The following CAMTA1 variants were observed in gnomAD, a reference collection of about 807,000 sequenced individuals.
CAMTA1 encodes the protein calmodulin-binding transcription activator 1.
CAMTA1 carries 27 observed loss-of-function variants against 170.9 expected under a neutral mutation model. That is an observed-to-expected ratio of 0.16 (90% confidence interval 0.12 to 0.22). The LOEUF is 0.22. Ranked by LOEUF, CAMTA1 falls within the 10% of genes least tolerant of loss-of-function variation. The pLI is 1.00. For synonymous variants in CAMTA1, 833 were observed against 891.5 expected (o/e 0.93, Z 1.17); for missense variants, 1,619 against 2,217.2 (o/e 0.73, Z 5.42).
intron 3 of CAMTA1, among the ~76,000 whole-genome samples, chr1:6,997,168 G>T (rs77841660): frequency 2.0e-5 from 3 of 152,092 alleles, no homozygotes; most frequent in Non-Finnish European, 2.9e-5. Flanking sequence ...TGTTCTACAC[G>T]TACTCAAAAA....
intron 4 of CAMTA1, among the ~76,000 whole-genome samples, chr1:7,230,031 G>A (rs1262389461): frequency 6.6e-6 from 1 of 152,200 alleles, no homozygotes; most frequent in South Asian, 2.1e-4. Context: ...ACCCCAAGGA[G>A]CTCTGAGCAG....
At chr1:7,408,244 C>A (rs955390485) in intron 5 of CAMTA1, among the ~76,000 whole-genome samples, 1 of 152,208 alleles carries the variant, frequency 6.6e-6, no homozygotes, top group African/African-American at 2.4e-5. Context: ...GACAGAGACT[C>A]CTGAGAATAG....
chr1:7,492,447 C>T (rs1205856502), intron 6 of CAMTA1, among the ~76,000 whole-genome samples: 2 of 152,150 alleles, frequency 1.3e-5, no homozygotes, highest in Admixed American at 1.3e-4. Flanking sequence ...TGCCACCAGC[C>T]CCCGGGCTGC....
chr1:6,910,038 C>T (rs1367045298), intron 3 of CAMTA1, among the ~76,000 whole-genome samples: 1 of 152,220 alleles, frequency 6.6e-6, no homozygotes, highest in African/African-American at 2.4e-5. Context: ...CACAATGTGC[C>T]ATTGTGGAAT....
chr1:6,832,934 C>T (rs1013009043), intron 3 of CAMTA1, among the ~76,000 whole-genome samples: 2 of 152,084 alleles, frequency 1.3e-5, no homozygotes, highest in Non-Finnish European at 1.5e-5. Context: ...GTTTGCTTTG[C>T]TAGTGTGAAG....
chr1:7,663,835 G>T lies in CAMTA1; in HGVS notation c.1288G>T (p.Gly430Cys). 2 of 1,614,080 alleles carry T rather than the reference G, an allele frequency of 1.2e-6. No individual in the cohort carries two copies. The highest frequency in any genetic ancestry group is 2.2e-5 in the South Asian group (2 of 91,080). The change falls in exon 9 of 23, where the codon GGC (glycine) becomes TGC (cysteine). Residue 430 changes from glycine (G) to cysteine (C), a missense_variant. Gly to Cys is a radical substitution (Grantham distance 159). This residue lies in a region of CAMTA1 where 731 missense variants were observed against 907.6 expected (regional missense o/e 0.81). Transcript: ENST00000303635. Reference sequence around the variant, plus strand: ...CCTCCTCTCACCTGACGCCTCTCAGGGCCTCGTCCTGGCCGTGAGCTCTGA... The same window carrying T: ...CCTCCTCTCACCTGACGCCTCTCAGTGCCTCGTCCTGGCCGTGAGCTCTGA... ...HHLLSPDASQ[G>C]LVLAVSSDGH...
At chr1:7,026,384 G>A (rs1392719613) in intron 3 of CAMTA1, among the ~76,000 whole-genome samples, 2 of 152,146 alleles carry the variant, frequency 1.3e-5, no homozygotes, top group Non-Finnish European at 2.9e-5. Flanking sequence ...CCTCATGTGT[G>A]ATTCAGAATG....
chr1:7,043,598 G>C (rs1023532481), intron 3 of CAMTA1, among the ~76,000 whole-genome samples: 2 of 152,186 alleles, frequency 1.3e-5, no homozygotes, highest in African/African-American at 4.8e-5. Context: ...CTCTTTCTCA[G>C]ACCCACCCTT....
At position 7,456,091 on chromosome 1, in the gene CAMTA1, A is replaced by G. The variant is rs906574488; in HGVS notation, c.439-11739A>G. ...AGCTACTTGCAGGCATTCGTCAGAG[A>G]TCCCTTGTGCTTAATGCAGGCAGAC... On this transcript the variant is annotated intron_variant, in intron 5 of 22. Coordinates refer to ENST00000303635, the MANE Select transcript of CAMTA1 (RefSeq NM_015215.4). The surrounding 1 kb of genome is among the most constrained non-coding windows in gnomAD (Gnocchi z 4.9). 1.1e-4 allele frequency among the ~76,000 whole-genome samples: 16 copies of G among 151,748 alleles called. No homozygotes were observed. Among genetic ancestry groups the G allele is most frequent in the African/African-American group, 3.6e-4 (15 of 41,294 alleles).
At chr1:7,193,984 T>G (rs771590341) in intron 4 of CAMTA1, among the ~76,000 whole-genome samples, 1 of 152,342 alleles carries the variant, frequency 6.6e-6, no homozygotes, top group Middle Eastern at 3.4e-3. Flanking sequence ...CTATCTTTCA[T>G]GCCCTTAGCA....
At chr1:6,978,488 G>A (rs1328220881) in intron 3 of CAMTA1, among the ~76,000 whole-genome samples, 3 of 152,000 alleles carry the variant, frequency 2.0e-5, no homozygotes, top group Non-Finnish European at 4.4e-5. Flanking sequence ...GCAAAAATTA[G>A]CTGGGCGTGG....
At position 7,293,926 on chromosome 1, in the gene CAMTA1, G is replaced by C. The variant is rs571560242; in HGVS notation, c.438+44300G>C. Among the ~76,000 whole-genome samples the C allele has an allele frequency of 6.6e-6, 1 of 152,152 alleles. No individual in the cohort carries two copies. The highest frequency in any genetic ancestry group is 1.5e-5 in the Non-Finnish European group (1 of 68,032). Reference sequence around the variant, plus strand: ...GCTTTTGTAATCCTTTTTCTGCTTCGTGCTAGCAGCCTCGCACTTCCCACC... The same window carrying C: ...GCTTTTGTAATCCTTTTTCTGCTTCCTGCTAGCAGCCTCGCACTTCCCACC... On this transcript the variant is annotated intron_variant, in intron 5 of 22. Coordinates refer to ENST00000303635, the MANE Select transcript of CAMTA1 (RefSeq NM_015215.4). This position sits in a 1 kb window ranked among gnomAD's most constrained non-coding sequence, Gnocchi z 4.1.
chr1:7,269,551 C>T (rs547748737), intron 5 of CAMTA1, among the ~76,000 whole-genome samples: 1 of 152,276 alleles, frequency 6.6e-6, no homozygotes, highest in South Asian at 2.1e-4. Context: ...CAGTAGATTT[C>T]ATTTGGGGTC....
chr1:7,036,787 C>T (rs1453282728), intron 3 of CAMTA1, among the ~76,000 whole-genome samples: 1 of 152,170 alleles, frequency 6.6e-6, no homozygotes, highest in African/African-American at 2.4e-5. Flanking sequence ...TTTTTGTTGC[C>T]ACAGCAACAA....
intron 15 of CAMTA1, 80 bp downstream of exon 15, chr1:7,737,650 A>G: frequency 7.7e-7 from 1 of 1,305,934 alleles, no homozygotes; most frequent in Non-Finnish European, 1.1e-6. Flanking sequence ...AGCAGAGTCC[A>G]TAGGATAGTC....
At chr1:6,871,289 T>C (rs1373087110) in intron 3 of CAMTA1, among the ~76,000 whole-genome samples, 4 of 152,244 alleles carry the variant, frequency 2.6e-5, no homozygotes, top group African/African-American at 9.6e-5. Context: ...TATTTTATCA[T>C]GTATCACTTT....
rs566283702 is a variant in CAMTA1, at chr1:7,665,867, A to C, written c.2652+668A>C. Reference sequence around the variant, plus strand: ...AAAGGGGTCCCAGGGTTGCTTAAAAAAATTCAAAAGTCACCATTGGCCGGG... The same window carrying C: ...AAAGGGGTCCCAGGGTTGCTTAAAACAATTCAAAAGTCACCATTGGCCGGG... On this transcript the variant is annotated intron_variant, in intron 9 of 22. Transcript: ENST00000303635. This position sits in a 1 kb window ranked among gnomAD's most constrained non-coding sequence, Gnocchi z 4.3. Among the ~76,000 whole-genome samples the C allele has an allele frequency of 4.4e-4, 67 of 152,126 alleles. No individual in the cohort carries two copies. The highest frequency in any genetic ancestry group is 1.6e-3 in the African/African-American group (67 of 41,512).
chr1:7,374,733 G>A (rs1000268639), intron 5 of CAMTA1, among the ~76,000 whole-genome samples: 9 of 152,228 alleles, frequency 5.9e-5, no homozygotes, highest in Admixed American at 3.9e-4. Flanking sequence ...AGTTGTGTGC[G>A]TGGAAGTGAG....
At chr1:6,950,096 C>T (rs1392839588) in intron 3 of CAMTA1, among the ~76,000 whole-genome samples, 1 of 152,224 alleles carries the variant, frequency 6.6e-6, no homozygotes, top group East Asian at 1.9e-4. Context: ...TTAGTTCAGC[C>T]TCTGGCCGTT....
Sources: allele counts gnomAD v4.1 joint callset (sites outside exome capture counted in the v4.1 genomes callset), GRCh38; gene constraint gnomAD v4.1.1; regional missense constraint gnomAD v4.1.1; non-coding constraint Gnocchi (gnomAD v3.1); transcripts MANE v1.5; gene names NCBI Gene and HGNC (gene_info 2026-07-23, HGNC 2026-07-21).